MAPRE3: variants seen among roughly 807,000 people sequenced by gnomAD.
MAPRE3 encodes the protein microtubule associated protein RP/EB family member 3.
A neutral mutation model predicts 30.5 loss-of-function variants in MAPRE3; 2 were observed. That is an observed-to-expected ratio of 0.07 (90% CI 0.03 to 0.21). The LOEUF (loss-of-function observed/expected upper bound fraction) is 0.21. MAPRE3 is among the 10% of genes least tolerant of loss of function. The pLI is 1.00. For synonymous variants in MAPRE3, 110 were observed against 127.7 expected, an observed-to-expected ratio of 0.86 and a Z score of 0.93; for missense variants, 204 against 351.8, an observed-to-expected ratio of 0.58 and a Z score of 3.36.
chr2:27,006,333 G>A (rs1353347737), intron 1 of MAPRE3, among the ~76,000 whole-genome samples: 1 of 152,220 alleles, frequency 6.6e-6, no homozygotes, highest in Non-Finnish European at 1.5e-5. Flanking sequence ...TATTGGGGAG[G>A]AAATGTAATT....
In MAPRE3 at chr2:27,022,209, C is replaced by T. The variant is rs753814175; in HGVS notation, c.-7-3C>T. On this transcript the variant is annotated splice_polypyrimidine_tract_variant and splice_region_variant and intron_variant, in intron 1 of 6. Transcript: ENST00000233121. ...TGACCTCACCTTTCTTCTTGCTTTC[C>T]AGCTGGGGTATGGCCGTCAATGTGT... 10 of 1,613,080 alleles carry T rather than the reference C, an allele frequency of 6.2e-6. No homozygotes were observed. The highest frequency in any genetic ancestry group is 8.5e-6 in the Non-Finnish European group (10 of 1,179,882).
chr2:26,986,485 C>T lies in MAPRE3; in HGVS notation c.-8+15683C>T, dbSNP rs1429763308. ...GTATCAAAGGAAACACTTCTTTATA[C>T]AGAAGTGGTATCCATGGAATGTATT... On this transcript the variant is annotated intron_variant, in intron 1 of 6. Coordinates refer to ENST00000233121, the MANE Select transcript of MAPRE3 (RefSeq NM_012326.4). The surrounding 1 kb of genome is among the most constrained non-coding windows in gnomAD (Gnocchi z 4.2). The T allele has an allele frequency of 2.6e-5, 4 of 152,156 alleles. No homozygotes were observed. The highest frequency in any genetic ancestry group is 5.9e-5 in the Non-Finnish European group (4 of 68,034). 9.4% of individuals were successfully genotyped at this position (152,156 alleles called of 1,614,324 possible). A position where few individuals can be genotyped will look rare whatever the true frequency, so the allele number is the denominator to read the frequency against.
At chr2:26,997,642 C>G (rs770544614) in intron 1 of MAPRE3, among the ~76,000 whole-genome samples, 19 of 152,150 alleles carry the variant, frequency 1.2e-4, no homozygotes, top group Non-Finnish European at 2.4e-4. Context: ...TTCCACGGAC[C>G]CGTACTAGTC....
At chr2:27,001,478 T>C (rs1323100989) in intron 1 of MAPRE3, among the ~76,000 whole-genome samples, 1 of 152,072 alleles carries the variant, frequency 6.6e-6, no homozygotes, top group East Asian at 1.9e-4. Context: ...TGAACTCCAG[T>C]GTGGGTGAGA....
intron 1 of MAPRE3, among the ~76,000 whole-genome samples, chr2:27,021,772 T>G (rs1393762649): frequency 1.3e-5 from 2 of 152,208 alleles, no homozygotes; most frequent in African/African-American, 4.8e-5. Flanking sequence ...TCCCTGTGGC[T>G]GAAATGCCTT....
Position 26,992,565 on chromosome 2 carries a change from A to G in MAPRE3, c.-8+21763A>G, listed in dbSNP as rs542289353. Among the ~76,000 whole-genome samples the G allele has an allele frequency of 3.3e-5, 5 of 150,116 alleles. No individual in the cohort carries two copies. The East Asian group carries it at 7.8e-4, about 23-fold the overall frequency. Reference sequence around the variant, plus strand: ...TTTTTTTTTAATCCTGACCTATACTAAGAGTTTGGAATGGATATTTGAGGG... The same window carrying G: ...TTTTTTTTTAATCCTGACCTATACTGAGAGTTTGGAATGGATATTTGAGGG... On this transcript the variant is annotated intron_variant, in intron 1 of 6. Coordinates refer to ENST00000233121, the MANE Select transcript of MAPRE3 (RefSeq NM_012326.4).
intron 2 of MAPRE3, chr2:27,022,984 C>T (rs1220471018): frequency 1.1e-5 from 2 of 188,424 alleles, no homozygotes; most frequent in Non-Finnish European, 2.2e-5. Flanking sequence ...CAGCTCTCAG[C>T]TCTTCTGGTG....
chr2:26,972,560 C>A (rs746883502), intron 1 of MAPRE3, among the ~76,000 whole-genome samples: 2 of 152,204 alleles, frequency 1.3e-5, no homozygotes, highest in Non-Finnish European at 2.9e-5. Context: ...AACTGTGGGG[C>A]CTGAGAGTGG....
At chr2:26,982,690 T>C (rs1057255255) in intron 1 of MAPRE3, among the ~76,000 whole-genome samples, 2 of 152,228 alleles carry the variant, frequency 1.3e-5, no homozygotes, top group African/African-American at 4.8e-5. Context: ...TGGCCTATAA[T>C]TAGGTAGAAT....
intron 3 of MAPRE3, 43 bp downstream of exon 3, chr2:27,023,520 C>A: frequency 6.2e-7 from 1 of 1,611,108 alleles, no homozygotes; most frequent in South Asian, 1.1e-5. Context: ...GCAGTGTGAC[C>A]CTGGGGAAGA....
chr2:26,985,616 C>A lies in MAPRE3; in HGVS notation c.-8+14814C>A, dbSNP rs867476283. On this transcript the variant is annotated intron_variant, in intron 1 of 6. Transcript: ENST00000233121. The surrounding 1 kb of genome is among the most constrained non-coding windows in gnomAD (Gnocchi z 4.2). ...TAATCAGCCAGGTATTCATTTCTTA[C>A]TGCTGCCTAACAAATTACTGTGAGA... is the stretch of plus-strand genomic sequence containing the variant. Among the ~76,000 whole-genome samples, 2 of 152,228 alleles carry A rather than the reference C, an allele frequency of 1.3e-5. No individual in the cohort carries two copies. Among genetic ancestry groups the A allele is most frequent in the African/African-American group, 4.8e-5 (2 of 41,462 alleles).
chr2:26,981,300 G>A (rs1666108200), intron 1 of MAPRE3, among the ~76,000 whole-genome samples: 1 of 152,082 alleles, frequency 6.6e-6, no homozygotes, highest in Non-Finnish European at 1.5e-5. Context: ...CAAGGTTTCT[G>A]AGGAGTCAAA....
rs550475519 is a variant in MAPRE3 at position 26,991,580 on chromosome 2, C to A, written c.-8+20778C>A. Reference sequence around the variant, plus strand: ...GTGTCTGCCTGCCCCGAGGTAGTCCCTACTCTTTTTCTAAACAATAGAATT... The same window carrying A: ...GTGTCTGCCTGCCCCGAGGTAGTCCATACTCTTTTTCTAAACAATAGAATT... On this transcript the variant is annotated intron_variant, in intron 1 of 6. Transcript: ENST00000233121. Among the ~76,000 whole-genome samples the A allele has an allele frequency of 1.2e-4, 19 of 152,304 alleles. 1 individual carries two copies. In the South Asian group the frequency reaches 3.9e-3, roughly 32 times the overall value.
intron 1 of MAPRE3, among the ~76,000 whole-genome samples, chr2:26,977,726 A>C (rs1666041682): frequency 6.6e-6 from 1 of 152,208 alleles, no homozygotes; most frequent in Non-Finnish European, 1.5e-5. Flanking sequence ...CACCAGGTCC[A>C]TGGAGCTGCT....
chr2:27,018,895 T>TTTTTTTTATTTA (rs376046795), intron 1 of MAPRE3, among the ~76,000 whole-genome samples: 7 of 146,946 alleles, frequency 4.8e-5, no homozygotes, highest in African/African-American at 1.8e-4. Flanking sequence ...GCACACACAT[T>TTTTTTTTATTTA]TTTATTTATT....
rs376479759 is a variant in MAPRE3, at chr2:26,992,531, A to AT, written c.-8+21746dup. On this transcript the variant is annotated intron_variant, in intron 1 of 6. Transcript: ENST00000233121. Reference sequence around the variant, plus strand: ...TGAACCACTGCACCCGGCCCAGATAATTTTTTTTTTTTTTTTTAATCCTGA... The same window carrying AT: ...TGAACCACTGCACCCGGCCCAGATAATTTTTTTTTTTTTTTTTTAATCCTGA... Among the ~76,000 whole-genome samples the AT allele has an allele frequency of 7.1e-4, 90 of 126,154 alleles. No homozygotes were observed. The East Asian group carries it at 8.7e-3, about 12-fold the overall frequency. 82.8% of individuals were successfully genotyped at this position (126,154 alleles called of 152,430 possible).
intron 1 of MAPRE3, among the ~76,000 whole-genome samples, chr2:27,000,153 G>A (rs545054400): frequency 2.6e-5 from 4 of 152,272 alleles, no homozygotes; most frequent in African/African-American, 9.6e-5. Context: ...ACAAATAAAT[G>A]TACGGGTTTG....
At chr2:26,988,037 G>T (rs1473978432) in intron 1 of MAPRE3, among the ~76,000 whole-genome samples, 2 of 152,214 alleles carry the variant, frequency 1.3e-5, no homozygotes, top group African/African-American at 2.4e-5. Context: ...GACACAAAAA[G>T]AACCCATTCT....
intron 1 of MAPRE3, among the ~76,000 whole-genome samples, chr2:27,018,011 C>T (rs1469303645): frequency 6.6e-6 from 1 of 152,210 alleles, no homozygotes; most frequent in Non-Finnish European, 1.5e-5. Context: ...AAGCTGCCCC[C>T]AGGCTGGAAG....
Sources: gnomAD v4.1 joint callset for allele counts (sites outside exome capture counted in the v4.1 genomes callset) on GRCh38, gnomAD v4.1.1 for gene constraint, Gnocchi (gnomAD v3.1) non-coding constraint, MANE v1.5 for transcripts, NCBI Gene and HGNC (gene_info 2026-07-23, HGNC 2026-07-21) for gene names.